The following RAB33A variants were observed in gnomAD, a reference collection of about 807,000 sequenced individuals.
The protein encoded by RAB33A is ras-related protein Rab-33A.
RAB33A carries 6 observed loss-of-function variants against 12.0 expected under a neutral mutation model. That is an observed-to-expected ratio of 0.50 (90% CI 0.27 to 0.99). The LOEUF is 0.99. Among genes scored for constraint, RAB33A ranks in the 50% least tolerant of loss-of-function variants. The probability of loss-of-function intolerance (pLI) is 0.11; values close to 1 mark genes in which losing one functional copy is unlikely to be tolerated. For missense variants in RAB33A, 109 were observed against 192.0 expected (o/e 0.57, Z 2.55); for synonymous variants, 70 against 82.4 (o/e 0.85, Z 0.81).
At chrX:130,130,687 T>A in the RAB33A span, among the ~76,000 whole-genome samples, 3 of 112,592 alleles carry the variant, frequency 2.7e-5, no homozygotes, top group Non-Finnish European at 5.6e-5. Flanking sequence ...AGATGGAACA[T>A]TTCCATCGCA....
chrX:130,164,237 A>G, the RAB33A span, among the ~76,000 whole-genome samples: 1 of 111,656 alleles, frequency 9.0e-6, no homozygotes, highest in Non-Finnish European at 1.9e-5. Context: ...CCATCATTTC[A>G]ATACACAAAA....
At chrX:130,158,089 CCT>C in the RAB33A span, among the ~76,000 whole-genome samples, 11 of 109,219 alleles carry the variant, frequency 1.0e-4, no homozygotes, top group African/African-American at 3.7e-4. Context: ...ATGGAGAAAC[CCT>C]GTTTCTACTA....
the RAB33A span, chrX:130,156,648 T>C: frequency 1.4e-5 from 16 of 1,158,040 alleles, no homozygotes; most frequent in South Asian, 2.2e-4. Flanking sequence ...AAAAATAAAA[T>C]AGTTAATACA....
At chrX:130,139,151 C>T in the RAB33A span, among the ~76,000 whole-genome samples, 1 of 108,310 alleles carries the variant, frequency 9.2e-6, no homozygotes, top group African/African-American at 3.4e-5. Context: ...CAGGGTAAAA[C>T]GTCCCTACTA....
the RAB33A span, among the ~76,000 whole-genome samples, chrX:130,141,116 AAAAAC>A: frequency 8.9e-6 from 1 of 112,154 alleles, no homozygotes; most frequent in Non-Finnish European, 1.9e-5. Context: ...ATTCTGTCTC[AAAAAC>A]AAAACAAAAC....
the RAB33A span, among the ~76,000 whole-genome samples, chrX:130,138,262 G>C: frequency 1.3e-4 from 14 of 110,564 alleles, no homozygotes; most frequent in Admixed American, 2.9e-4. Flanking sequence ...TCAGGAGATC[G>C]AGACAGTCCT....
chrX:130,140,472 C>A, the RAB33A span: 194 of 981,127 alleles, frequency 2.0e-4, no homozygotes, highest in Non-Finnish European at 2.7e-4. Flanking sequence ...ATAGAGAAGG[C>A]TGGACTCTAA....
chrX:130,130,059 C>T, the RAB33A span: 21 of 1,209,900 alleles, frequency 1.7e-5, no homozygotes, highest in African/African-American at 5.3e-5. Flanking sequence ...ACACCTTTGC[C>T]GTAGTCCTCC....
chrX:130,123,518 C>T, the RAB33A span, among the ~76,000 whole-genome samples: 16 of 109,426 alleles, frequency 1.5e-4, no homozygotes, highest in African/African-American at 5.3e-4. Context: ...TGGCAAAATC[C>T]CATCTCTATT....
the RAB33A span, among the ~76,000 whole-genome samples, chrX:130,159,047 G>C: frequency 9.0e-6 from 1 of 111,441 alleles, no homozygotes. Flanking sequence ...AAGTATATGG[G>C]GCATATACCA....
At chrX:130,170,266 A>C (rs2124684488), upstream of RAB33A, among the ~76,000 whole-genome samples, 1 of 112,524 alleles carries the variant, frequency 8.9e-6, no homozygotes, top group African/African-American at 3.2e-5. Context: ...TTTCAGGTAT[A>C]TCACTGATGC....
intron 1 of RAB33A, among the ~76,000 whole-genome samples, chrX:130,182,710 T>C (rs4520329): frequency 0.53 from 57,388 of 107,551 alleles, 12,763 homozygotes; most frequent in African/African-American, 0.82. Context: ...GCCGAGATCG[T>C]GCCATTTCAC....
chrX:130,136,141 A>G, the RAB33A span: 3 of 1,211,699 alleles, frequency 2.5e-6, no homozygotes, highest in Non-Finnish European at 3.4e-6. Flanking sequence ...CCAACTCAAC[A>G]TTGGGCTCCA....
At chrX:130,178,576 G>A (rs2031687316) in intron 1 of RAB33A, among the ~76,000 whole-genome samples, 1 of 111,246 alleles carries the variant, frequency 9.0e-6, no homozygotes, top group Non-Finnish European at 1.9e-5. Flanking sequence ...GCTGCAATGA[G>A]CCGAGATCAT....
the RAB33A span, among the ~76,000 whole-genome samples, chrX:130,119,434 C>T: frequency 8.9e-6 from 1 of 112,295 alleles, no homozygotes; most frequent in South Asian, 3.7e-4. Flanking sequence ...CCGCTCAGGT[C>T]CTGCTCTGGG....
the RAB33A span, among the ~76,000 whole-genome samples, chrX:130,140,814 C>T: frequency 2.7e-5 from 3 of 112,527 alleles, no homozygotes; most frequent in Non-Finnish European, 5.6e-5. Context: ...AACTCCAGGT[C>T]AATAAGAAGT....
chrX:130,121,310 T>C, the RAB33A span, among the ~76,000 whole-genome samples: 1 of 102,851 alleles, frequency 9.7e-6, no homozygotes, highest in Non-Finnish European at 2.0e-5. Context: ...AGTGGCGCGA[T>C]CTTGGCTCAC....
At chrX:130,172,641 G>C (rs1269764082) in intron 1 of RAB33A, among the ~76,000 whole-genome samples, 3 of 111,900 alleles carry the variant, frequency 2.7e-5, no homozygotes, top group Non-Finnish European at 5.6e-5. Context: ...TGGGCAGAGG[G>C]AGGCAGGAGG....
chrX:130,116,930 T>C, the RAB33A span, among the ~76,000 whole-genome samples: 1 of 112,047 alleles, frequency 8.9e-6, no homozygotes, highest in Non-Finnish European at 1.9e-5. Flanking sequence ...CAGTTATACA[T>C]TGGCCGGGTG....
Sources: gnomAD v4.1 joint callset for allele counts (sites outside exome capture counted in the v4.1 genomes callset) on GRCh38, gnomAD v4.1.1 for gene constraint, MANE v1.5 for transcripts, NCBI Gene and HGNC (gene_info 2026-07-23, HGNC 2026-07-21) for gene names.